The following UNC13C variants were observed in gnomAD, a reference collection of about 807,000 sequenced individuals.
UNC13C encodes protein unc-13 homolog C.
Under a neutral mutation model 245.4 loss-of-function variants are expected in UNC13C, and 174 were observed. That is an observed-to-expected ratio of 0.71 (90% confidence interval 0.63 to 0.80). The LOEUF is 0.80. Ranked by LOEUF, UNC13C falls within the 30% of genes least tolerant of loss-of-function variation. The pLI is 0.00. For missense variants in UNC13C, 2,829 were observed against 2,602.9 expected (o/e 1.09, Z -1.89); for synonymous variants, 992 against 895.1 (o/e 1.11, Z -1.93).
At chr15:54,615,919 C>T (rs1299608656) in intron 30 of UNC13C, among the ~76,000 whole-genome samples, 1 of 151,972 alleles carries the variant, frequency 6.6e-6, no homozygotes, top group African/African-American at 2.4e-5. Flanking sequence ...GAAATGTGTT[C>T]AAAATACTAA....
intron 19 of UNC13C, among the ~76,000 whole-genome samples, chr15:54,488,046 A>C (rs529987100): frequency 6.6e-6 from 1 of 152,268 alleles, no homozygotes; most frequent in African/African-American, 2.4e-5. Flanking sequence ...ATCTTTATAA[A>C]GTTTCTCTAA....
intron 2 of UNC13C, among the ~76,000 whole-genome samples, chr15:54,088,413 A>C (rs1427493362): frequency 6.6e-6 from 1 of 152,062 alleles, no homozygotes; most frequent in African/African-American, 2.4e-5. Context: ...AGGGAGAGAA[A>C]TGTTTTTAAT....
the UNC13C span, among the ~76,000 whole-genome samples, chr15:53,892,732 T>A: frequency 2.6e-5 from 4 of 152,170 alleles, no homozygotes; most frequent in Admixed American, 2.6e-4. Context: ...TCAGGTCATT[T>A]ATGTTCTCTA....
intron 4 of UNC13C, among the ~76,000 whole-genome samples, chr15:54,182,097 T>A (rs759542615): frequency 1.2e-4 from 19 of 152,082 alleles, no homozygotes; most frequent in Non-Finnish European, 2.5e-4. Flanking sequence ...AGAGTGAGCA[T>A]CCTTGTCTTG....
At chr15:54,269,039 T>C (rs1016893502) in intron 10 of UNC13C, among the ~76,000 whole-genome samples, 2 of 146,768 alleles carry the variant, frequency 1.4e-5, no homozygotes, top group Non-Finnish European at 3.0e-5. Context: ...GGTTTCTTTT[T>C]TTTTTTAATT....
At chr15:54,518,923 T>C (rs1246207151) in intron 24 of UNC13C, among the ~76,000 whole-genome samples, 1 of 152,176 alleles carries the variant, frequency 6.6e-6, no homozygotes, top group Non-Finnish European at 1.5e-5. Flanking sequence ...AATTAGCCAA[T>C]AGATGCAACA....
intron 30 of UNC13C, among the ~76,000 whole-genome samples, chr15:54,603,298 T>C (rs183286650): frequency 1.6e-4 from 24 of 152,306 alleles, no homozygotes; most frequent in African/African-American, 5.8e-4. Flanking sequence ...TTTAATCATA[T>C]TGAATGCATT....
chr15:54,547,815 TAC>T (rs1896552723), intron 27 of UNC13C, among the ~76,000 whole-genome samples: 1 of 152,132 alleles, frequency 6.6e-6, no homozygotes, highest in Admixed American at 6.5e-5. Flanking sequence ...CACACACACA[TAC>T]ACATTCTACT....
chr15:54,210,550 A>G (rs1366526171), intron 4 of UNC13C, among the ~76,000 whole-genome samples: 3 of 152,106 alleles, frequency 2.0e-5, no homozygotes, highest in African/African-American at 7.2e-5. Context: ...AATTATTTAT[A>G]ATTCCATGCA....
intron 2 of UNC13C, among the ~76,000 whole-genome samples, chr15:54,048,058 C>G (rs1191882971): frequency 6.6e-6 from 1 of 152,128 alleles, no homozygotes; most frequent in Non-Finnish European, 1.5e-5. Context: ...GTTAAATACA[C>G]AGCAAGTGCT....
At chr15:54,604,914 CA>C (rs1899679282) in intron 30 of UNC13C, among the ~76,000 whole-genome samples, 1 of 151,462 alleles carries the variant, frequency 6.6e-6, no homozygotes, top group Admixed American at 6.6e-5. Flanking sequence ...ACCTAATTAA[CA>C]AATCTGCACT....
chr15:54,318,219 C>T (rs1039320778), intron 13 of UNC13C, among the ~76,000 whole-genome samples: 3 of 151,762 alleles, frequency 2.0e-5, no homozygotes, highest in Admixed American at 6.6e-5. Flanking sequence ...GTGCTGATTT[C>T]GTCTTATTTG....
intron 19 of UNC13C, among the ~76,000 whole-genome samples, chr15:54,490,033 G>A (rs1893624116): frequency 1.3e-5 from 2 of 152,080 alleles, no homozygotes; most frequent in Admixed American, 6.6e-5. Flanking sequence ...TTCTGTCCAC[G>A]GAGAACAATA....
intron 13 of UNC13C, among the ~76,000 whole-genome samples, chr15:54,316,375 C>G (rs1006765937): frequency 6.6e-6 from 1 of 151,816 alleles, no homozygotes. Context: ...GGAATACATT[C>G]TTTATCCATC....
At chr15:54,106,177 T>C (rs540411487) in intron 2 of UNC13C, among the ~76,000 whole-genome samples, 93 of 152,320 alleles carry the variant, frequency 6.1e-4, no homozygotes, top group Non-Finnish European at 1.1e-3. Flanking sequence ...AGCATCTACC[T>C]TTATTTGAAA....
chr15:54,623,747 AATTTCCACAC>A (rs747667241), intron 31 of UNC13C, 38 bp from the exon 32 acceptor site: 1 of 1,548,886 alleles, frequency 6.5e-7, no homozygotes, highest in Non-Finnish European at 8.8e-7. Context: ...TTTCACTCTA[AATTTCCACAC>A]ATCTGTTTGC....
At chr15:53,999,791 T>C (rs552612987) in intron 1 of UNC13C, among the ~76,000 whole-genome samples, 11 of 152,060 alleles carry the variant, frequency 7.2e-5, no homozygotes, top group Non-Finnish European at 1.5e-4. Context: ...TTTTGACCCA[T>C]GGATTATTTA....
At chr15:54,580,623 G>A (rs989834459) in intron 30 of UNC13C, among the ~76,000 whole-genome samples, 6 of 151,268 alleles carry the variant, frequency 4.0e-5, no homozygotes, top group African/African-American at 9.9e-5. Flanking sequence ...GGAGTTGCTG[G>A]GAGAACTACA....
At chr15:54,308,808 T>A (rs2037790809) in intron 13 of UNC13C, among the ~76,000 whole-genome samples, 1 of 151,770 alleles carries the variant, frequency 6.6e-6, no homozygotes, top group Non-Finnish European at 1.5e-5. Flanking sequence ...ATGTTCTCCA[T>A]GTTCATCCAT....
Sources: gnomAD v4.1 joint callset for allele counts (sites outside exome capture counted in the v4.1 genomes callset) on GRCh38, gnomAD v4.1.1 for gene constraint, MANE v1.5 for transcripts, NCBI Gene and HGNC (gene_info 2026-07-23, HGNC 2026-07-21) for gene names.